Variants in PLEKHD1 observed in about 807,000 individuals in gnomAD.
PLEKHD1 encodes the protein pleckstrin homology and coiled-coil domain containing D1.
In PLEKHD1, 51 loss-of-function variants were observed where a neutral mutation model predicts 69.2. The ratio of observed to expected loss-of-function variants is 0.74; its 90% CI spans 0.59 to 0.93. PLEKHD1 has a LOEUF of 0.93. Among genes scored for constraint, PLEKHD1 ranks in the 40% least tolerant of loss-of-function variants. The probability of loss-of-function intolerance (pLI) is 0.00; values close to 1 mark genes in which losing one functional copy is unlikely to be tolerated. For synonymous variants in PLEKHD1, 236 were observed against 244.7 expected (o/e 0.96, Z 0.33); for missense variants, 584 against 641.0 (o/e 0.91, Z 0.96).
intron 6 of PLEKHD1, among the ~76,000 whole-genome samples, chr14:69,516,115 T>A (rs1007035423): frequency 6.6e-6 from 1 of 152,216 alleles, no homozygotes; most frequent in African/African-American, 2.4e-5. Context: ...TGAGCCACTG[T>A]GTCCTGCCTT....
intron 1 of PLEKHD1, 148 bp from the exon 2 acceptor site, chr14:69,499,967 G>A: frequency 1.6e-6 from 1 of 628,654 alleles, no homozygotes; most frequent in Non-Finnish European, 2.8e-6. Context: ...CTTTGTGAGG[G>A]TGTGGAGCTT....
chr14:69,508,642 CAT>C (rs1566561038), intron 6 of PLEKHD1, among the ~76,000 whole-genome samples: 1 of 152,104 alleles, frequency 6.6e-6, no homozygotes, highest in Non-Finnish European at 1.5e-5. Context: ...TGGGGGCAAA[CAT>C]GGGACTAAAA....
chr14:69,488,906 CCT>C (rs1882711654), intron 1 of PLEKHD1, among the ~76,000 whole-genome samples: 1 of 152,156 alleles, frequency 6.6e-6, no homozygotes, highest in Admixed American at 6.5e-5. Context: ...TACCCATCAC[CCT>C]CTTCCCTTTC....
At chr14:69,494,498 G>C (rs1882844377) in intron 1 of PLEKHD1, among the ~76,000 whole-genome samples, 2 of 151,462 alleles carry the variant, frequency 1.3e-5, no homozygotes, top group South Asian at 4.1e-4. Flanking sequence ...TGCATACACT[G>C]TTTTGCCTCT....
intron 8 of PLEKHD1, among the ~76,000 whole-genome samples, chr14:69,524,853 C>T (rs939988210): frequency 4.6e-5 from 7 of 152,140 alleles, no homozygotes; most frequent in Non-Finnish European, 8.8e-5. Flanking sequence ...CCTTCCCTCT[C>T]GCCTCACTCT....
At chr14:69,528,157 A>G in intron 12 of PLEKHD1, 93 bp from the exon 13 acceptor site, 5 of 1,474,282 alleles carry the variant, frequency 3.4e-6, no homozygotes, top group Non-Finnish European at 4.6e-6. Flanking sequence ...GGCACACATA[A>G]AGGAGTGAGG....
Position 69,501,771 on chromosome 14 carries a change from A to C in PLEKHD1, c.448A>C (p.Lys150Gln). 6.4e-7 allele frequency: 1 copy of C among 1,551,632 alleles called. No homozygotes were observed. Among genetic ancestry groups the C allele is most frequent in the Non-Finnish European group, 8.7e-7 (1 of 1,146,920 alleles). Reference protein sequence around the residue: ...KNAQLGEAMIKSLEAQGLQLA... With the variant: ...KNAQLGEAMIQSLEAQGLQLA... Reference sequence around the variant, plus strand: ...TGCCCAGCTGGGAGAAGCCATGATCAAAAGCCTGGAGGCCCAGGGGCTGCA... The same window carrying C: ...TGCCCAGCTGGGAGAAGCCATGATCCAAAGCCTGGAGGCCCAGGGGCTGCA... The change falls in exon 5 of 13, where the codon AAA becomes CAA. Residue 150 changes from lysine to glutamine, a missense_variant. Lys to Gln is a moderately conservative substitution (Grantham distance 53). Transcript: ENST00000322564.
chr14:69,470,954 G>A, the PLEKHD1 span, among the ~76,000 whole-genome samples: 28 of 151,916 alleles, frequency 1.8e-4, no homozygotes, highest in African/African-American at 6.5e-4. Flanking sequence ...ACCATGCCCG[G>A]CTAATTTTTT....
At chr14:69,476,056 G>A in the PLEKHD1 span, among the ~76,000 whole-genome samples, 291 of 152,098 alleles carry the variant, frequency 1.9e-3, no homozygotes, top group African/African-American at 6.5e-3. Flanking sequence ...TCAGGAGTTC[G>A]AGACCAGCCT....
At chr14:69,474,456 A>G in the PLEKHD1 span, among the ~76,000 whole-genome samples, 3 of 152,308 alleles carry the variant, frequency 2.0e-5, no homozygotes, top group South Asian at 6.2e-4. Context: ...CTCCTTTACC[A>G]AATGCAAATC....
the PLEKHD1 span, among the ~76,000 whole-genome samples, chr14:69,476,686 T>C: frequency 6.6e-6 from 1 of 152,178 alleles, no homozygotes; most frequent in Non-Finnish European, 1.5e-5. Context: ...AGTGAGAAGA[T>C]GTGAAGAGCA....
At chr14:69,521,346 T>C (rs1354549127) in intron 6 of PLEKHD1, among the ~76,000 whole-genome samples, 1 of 152,174 alleles carries the variant, frequency 6.6e-6, no homozygotes, top group African/African-American at 2.4e-5. Flanking sequence ...CTCTGCCTCA[T>C]GTTTTATTCC....
chr14:69,515,552 T>A (rs75589029), intron 6 of PLEKHD1, among the ~76,000 whole-genome samples: 5,188 of 152,324 alleles, frequency 0.034, 163 homozygotes, highest in South Asian at 0.18. Flanking sequence ...AAGGTTTGAT[T>A]GGCTCATGGT....
Position 69,500,205 on chromosome 14 carries a change from T to C in PLEKHD1, c.240T>C (p.Pro80=). ...FETNKYFNIH[P]KGVIPLGGCL... is the part of the protein sequence containing the mutation. Reference sequence around the variant, plus strand: ...CCAATAAATACTTCAATATACATCCTAAGGTGAGGCGGCCCCTCCCAGGGC... The same window carrying C: ...CCAATAAATACTTCAATATACATCCCAAGGTGAGGCGGCCCCTCCCAGGGC... The change falls in exon 2 of 13, where the codon CCT becomes CCC. Residue 80 remains proline, a synonymous_variant. Coordinates refer to ENST00000322564, the MANE Select transcript of PLEKHD1 (RefSeq NM_001161498.2). 1 of 1,545,168 alleles carries C rather than the reference T, an allele frequency of 6.5e-7. No individual in the cohort carries two copies. The highest frequency in any genetic ancestry group is 2.4e-5 in the East Asian group (1 of 40,874).
chr14:69,494,507 CTA>C (rs144082678), intron 1 of PLEKHD1, among the ~76,000 whole-genome samples: 5,501 of 152,310 alleles, frequency 0.036, 269 homozygotes, highest in African/African-American at 0.12. Flanking sequence ...TGTTTTGCCT[CTA>C]AGCCTCAGTT....
chr14:69,522,236 G>T, intron 6 of PLEKHD1, 47 bp from the exon 7 acceptor site: 1 of 1,518,956 alleles, frequency 6.6e-7, no homozygotes, highest in South Asian at 1.2e-5. Flanking sequence ...TGATCTCAGG[G>T]TTCCTTTGCT....
In PLEKHD1 at chr14:69,485,133, C is replaced by G; in HGVS notation, c.149+19C>G. The G allele has an allele frequency of 1.9e-6, 3 of 1,543,722 alleles. No homozygotes were observed. The highest frequency in any genetic ancestry group is 2.6e-6 in the Non-Finnish European group (3 of 1,142,894). ...CCCGGCGGTGAGTGCGCCCCCGCGC[C>G]CCAAGGAGACCGCCGGGGAGAGAGC... On this transcript the variant is annotated intron_variant, in intron 1 of 12. Transcript: ENST00000322564.
rs796589208 is a variant in PLEKHD1, at chr14:69,491,253, T to C, written c.149+6139T>C. On this transcript the variant is annotated intron_variant, in intron 1 of 12. Transcript: ENST00000322564. Reference sequence around the variant, plus strand: ...GCTGCATAAACACAGCAGGTATTTATGAGTCTAGCAGCCTATCCTGAAGGG... The same window carrying C: ...GCTGCATAAACACAGCAGGTATTTACGAGTCTAGCAGCCTATCCTGAAGGG... Among the ~76,000 whole-genome samples the C allele has an allele frequency of 5.3e-5, 8 of 152,338 alleles. 1 individual carries two copies. Among genetic ancestry groups the C allele is most frequent in the African/African-American group, 1.7e-4 (7 of 41,574 alleles).
chr14:69,500,571 C>T lies in PLEKHD1; in HGVS notation c.244-6C>T, dbSNP rs1883000696. 6.5e-7 allele frequency: 1 copy of T among 1,546,156 alleles called. No individual in the cohort carries two copies. Among genetic ancestry groups the T allele is most frequent in the Non-Finnish European group, 8.7e-7 (1 of 1,144,244 alleles). On this transcript the variant is annotated splice_polypyrimidine_tract_variant and splice_region_variant and intron_variant, in intron 2 of 12. Transcript: ENST00000322564. ...GTGGGGGCTGCCTGTTCTGGTTCTT[C>T]CTCAGGGCGTCATCCCTCTGGGGGG...
Sources: gnomAD v4.1 joint callset for allele counts (sites outside exome capture counted in the v4.1 genomes callset) on GRCh38, gnomAD v4.1.1 for gene constraint, MANE v1.5 for transcripts, NCBI Gene and HGNC (gene_info 2026-07-23, HGNC 2026-07-21) for gene names.